The following FAM227B variants were observed in gnomAD, a reference collection of about 807,000 sequenced individuals.
FAM227B encodes family with sequence similarity 227 member B, also known as protein FAM227B.
In FAM227B, 88 loss-of-function variants were observed where a neutral mutation model predicts 73.8. The observed-to-expected ratio is 1.19, with a 90% CI of 1.00 to 1.42. FAM227B has a LOEUF of 1.42. FAM227B is among the 40% of genes most tolerant of loss of function. The probability of loss-of-function intolerance (pLI) is 0.00; values close to 1 mark genes in which losing one functional copy is unlikely to be tolerated. For synonymous variants in FAM227B, 210 were observed against 190.5 expected (o/e 1.10, Z -0.84); for missense variants, 632 against 590.9 (o/e 1.07, Z -0.72).
At chr15:49,599,627 T>G (rs2153302033) in intron 3 of FAM227B, among the ~76,000 whole-genome samples, 1 of 152,294 alleles carries the variant, frequency 6.6e-6, no homozygotes, top group South Asian at 2.1e-4. Context: ...GGTACATTAT[T>G]TCCATTTTCA....
intron 10 of FAM227B, among the ~76,000 whole-genome samples, chr15:49,512,557 C>T (rs1412618550): frequency 3.9e-5 from 6 of 152,030 alleles, no homozygotes; most frequent in African/African-American, 1.2e-4. Context: ...GATAAGGTGC[C>T]TATTCAAATA....
chr15:49,612,556 A>C (rs2078012461), intron 2 of FAM227B, among the ~76,000 whole-genome samples: 1 of 152,200 alleles, frequency 6.6e-6, no homozygotes, highest in Admixed American at 6.5e-5. Flanking sequence ...TAAAGCATAA[A>C]TGAGTAGATG....
chr15:49,416,609 G>C (rs1454536591), intron 11 of FAM227B, among the ~76,000 whole-genome samples: 1 of 151,970 alleles, frequency 6.6e-6, no homozygotes, highest in East Asian at 1.9e-4. Context: ...GTAGAAAATC[G>C]CATAGTCTCT....
intron 8 of FAM227B, among the ~76,000 whole-genome samples, chr15:49,573,556 G>T (rs2075259731): frequency 6.6e-6 from 1 of 152,128 alleles, no homozygotes. Context: ...CACAGAAGTG[G>T]GTTTGTTATC....
intron 11 of FAM227B, chr15:49,422,329 A>G (rs1409396035): frequency 2.0e-5 from 4 of 197,524 alleles, no homozygotes; most frequent in Non-Finnish European, 3.1e-5. Context: ...CAGAACAGGA[A>G]GTAAAGGAGA....
chr15:49,561,888 G>A (rs2074291788), intron 9 of FAM227B, among the ~76,000 whole-genome samples: 2 of 152,032 alleles, frequency 1.3e-5, no homozygotes, highest in South Asian at 2.1e-4. Context: ...CACCTACATA[G>A]AGAAGTTACA....
chr15:49,468,544 T>C (rs2054467279), intron 11 of FAM227B, among the ~76,000 whole-genome samples: 1 of 152,182 alleles, frequency 6.6e-6, no homozygotes, highest in South Asian at 2.1e-4. Context: ...TTATCAACCA[T>C]ATGTATCATT....
chr15:49,473,519 A>C (rs1490098753), intron 11 of FAM227B, among the ~76,000 whole-genome samples: 2 of 152,170 alleles, frequency 1.3e-5, no homozygotes, highest in Non-Finnish European at 2.9e-5. Context: ...ATAAACACTC[A>C]GTAAATACTT....
intron 9 of FAM227B, among the ~76,000 whole-genome samples, chr15:49,546,862 G>T (rs141261504): frequency 6.6e-6 from 1 of 152,284 alleles, no homozygotes; most frequent in East Asian, 1.9e-4. Context: ...CACTCTGCAG[G>T]ATATTATCCA....
chr15:49,381,695 TAAATA>T (rs2151524222), intron 11 of FAM227B, among the ~76,000 whole-genome samples: 1 of 152,248 alleles, frequency 6.6e-6, no homozygotes, highest in East Asian at 1.9e-4. Context: ...CCAATAAAAA[TAAATA>T]AGAGGTGTAA....
At chr15:49,471,646 C>A (rs960461931) in intron 11 of FAM227B, among the ~76,000 whole-genome samples, 1 of 151,916 alleles carries the variant, frequency 6.6e-6, no homozygotes, top group African/African-American at 2.4e-5. Flanking sequence ...TTATGATTTT[C>A]TAATCAAGAA....
intron 10 of FAM227B, among the ~76,000 whole-genome samples, chr15:49,516,753 A>C (rs2059405260): frequency 6.6e-6 from 1 of 152,072 alleles, no homozygotes; most frequent in Non-Finnish European, 1.5e-5. Flanking sequence ...AAAACTATGA[A>C]TATGTCTTGT....
At chr15:49,595,705 G>C (rs1379211996) in intron 3 of FAM227B, among the ~76,000 whole-genome samples, 1 of 150,186 alleles carries the variant, frequency 6.7e-6, no homozygotes, top group South Asian at 2.2e-4. Context: ...ACAAACATGA[G>C]GGAATTAAAA....
At chr15:49,520,611 C>T (rs2059712373) in intron 10 of FAM227B, among the ~76,000 whole-genome samples, 1 of 152,182 alleles carries the variant, frequency 6.6e-6, no homozygotes, top group Non-Finnish European at 1.5e-5. Context: ...AGCAAAGGCA[C>T]ATCTTACATG....
intron 11 of FAM227B, among the ~76,000 whole-genome samples, chr15:49,385,193 TGACCAATTGTTTA>T (rs2046804072): frequency 6.6e-6 from 1 of 151,932 alleles, no homozygotes. Flanking sequence ...AACTCCATCT[TGACCAATTGTTTA>T]AAGTACATTC....
At chr15:49,484,614 G>T in intron 11 of FAM227B, 1 of 528,060 alleles carries the variant, frequency 1.9e-6, no homozygotes, top group Non-Finnish European at 3.2e-6. Flanking sequence ...ATCAAGAAAG[G>T]CTGGAAAACT....
At position 49,328,709 on chromosome 15, in the gene FAM227B, ATCT is replaced by A. The variant is rs570050686; in HGVS notation, c.1420-37_1420-35del. ...ATAATACATGATTAAAGTTTCACAG[ATCT>A]TCTTGGACATTGTATAATTGAATTT... On this transcript the variant is annotated intron_variant, in intron 15 of 15. Coordinates refer to ENST00000299338, the MANE Select transcript of FAM227B (RefSeq NM_152647.3). 1.4e-4 allele frequency: 216 copies of A among 1,548,042 alleles called. 1 individual carries two copies. In the East Asian group the frequency reaches 2.7e-3, roughly 19 times the overall value.
chr15:49,419,270 A>G (rs2049426935), intron 11 of FAM227B, among the ~76,000 whole-genome samples: 1 of 152,174 alleles, frequency 6.6e-6, no homozygotes, highest in African/African-American at 2.4e-5. Flanking sequence ...TATGGGGGCC[A>G]TAAATTTTCT....
At chr15:49,354,739 C>A (rs1020905593) in intron 13 of FAM227B, among the ~76,000 whole-genome samples, 3 of 152,150 alleles carry the variant, frequency 2.0e-5, no homozygotes, top group African/African-American at 7.2e-5. Flanking sequence ...GAGCCCACCA[C>A]AGCTCAAGGA....
Sources: gnomAD v4.1 joint callset for allele counts (sites outside exome capture counted in the v4.1 genomes callset) on GRCh38, gnomAD v4.1.1 for gene constraint, MANE v1.5 for transcripts, NCBI Gene and HGNC (gene_info 2026-07-23, HGNC 2026-07-21) for gene names.